The following ARID2 variants were observed in gnomAD, a reference collection of about 807,000 sequenced individuals.
ARID2 encodes the protein AT-rich interactive domain-containing protein 2.
Under a neutral mutation model 184.6 loss-of-function variants are expected in ARID2, and 32 were observed. The observed-to-expected ratio is 0.17, with a 90% CI of 0.13 to 0.23. The LOEUF is 0.23. Among genes scored for constraint, ARID2 ranks in the 10% least tolerant of loss-of-function variants. The pLI is 1.00. For missense variants in ARID2, 1,696 were observed against 2,197.6 expected, an observed-to-expected ratio of 0.77 and a Z score of 4.56; for synonymous variants, 836 against 772.6, an observed-to-expected ratio of 1.08 and a Z score of -1.36.
At chr12:45,796,821 T>C (rs1481438812) in intron 3 of ARID2, among the ~76,000 whole-genome samples, 1 of 152,228 alleles carries the variant, frequency 6.6e-6, no homozygotes, top group Non-Finnish European at 1.5e-5. Flanking sequence ...ATGTTTATTT[T>C]CTAAGTGTTA....
intron 4 of ARID2, among the ~76,000 whole-genome samples, chr12:45,814,003 T>G (rs142132833): frequency 0.015 from 2,261 of 152,252 alleles, 29 homozygotes; most frequent in South Asian, 0.028. Flanking sequence ...TTATTATTAT[T>G]ATGATGATTT....
intron 3 of ARID2, among the ~76,000 whole-genome samples, chr12:45,759,892 A>AGATTTTATAGTTTAACAAGCACCTTT (rs1941641460): frequency 6.6e-6 from 1 of 152,048 alleles, no homozygotes; most frequent in Non-Finnish European, 1.5e-5. Context: ...TACATTTGGG[A>AGATTTTATAGTTTAACAAGCACCTTT]GATTTTATAG....
At chr12:45,762,326 C>G (rs1046317756) in intron 3 of ARID2, among the ~76,000 whole-genome samples, 1 of 152,216 alleles carries the variant, frequency 6.6e-6, no homozygotes, top group African/African-American at 2.4e-5. Flanking sequence ...ACATGTGGCT[C>G]TCTCCTGTTT....
intron 15 of ARID2, among the ~76,000 whole-genome samples, chr12:45,853,807 A>G (rs148800798): frequency 4.6e-4 from 70 of 152,352 alleles, no homozygotes; most frequent in African/African-American, 1.6e-3. Context: ...ATATATGGCT[A>G]TTGTTGGCAT....
chr12:45,805,406 G>A (rs1942582153), intron 3 of ARID2, among the ~76,000 whole-genome samples: 1 of 152,010 alleles, frequency 6.6e-6, no homozygotes, highest in South Asian at 2.1e-4. Context: ...TCCCATTTAT[G>A]TGGAAAAGTT....
At chr12:45,824,045 A>C in intron 6 of ARID2, among the ~76,000 whole-genome samples, 1 of 152,132 alleles carries the variant, frequency 6.6e-6, no homozygotes, top group East Asian at 1.9e-4. Flanking sequence ...ACAAAATGCT[A>C]GCAAACCAAA....
intron 3 of ARID2, among the ~76,000 whole-genome samples, chr12:45,744,304 CTG>C (rs1236178282): frequency 6.6e-6 from 1 of 151,916 alleles, no homozygotes; most frequent in Admixed American, 6.6e-5. Context: ...ATTCATCTAT[CTG>C]TTTATTTAAT....
At chr12:45,773,818 A>T (rs1178174600) in intron 3 of ARID2, among the ~76,000 whole-genome samples, 1 of 152,194 alleles carries the variant, frequency 6.6e-6, no homozygotes, top group Non-Finnish European at 1.5e-5. Flanking sequence ...AAACATTGAA[A>T]GGAAAATTAG....
intron 5 of ARID2, among the ~76,000 whole-genome samples, chr12:45,820,108 G>A (rs982707189): frequency 6.6e-6 from 1 of 152,064 alleles, no homozygotes; most frequent in Non-Finnish European, 1.5e-5. Flanking sequence ...TTAGTGGTGT[G>A]TGGGCTTCAT....
chr12:45,857,713 C>T (rs1418001341), intron 15 of ARID2, among the ~76,000 whole-genome samples: 1 of 152,150 alleles, frequency 6.6e-6, no homozygotes, highest in Non-Finnish European at 1.5e-5. Flanking sequence ...ATTCTCTTCT[C>T]TGAAGACTTA....
At chr12:45,886,690 C>G (rs1565638793) in intron 16 of ARID2, among the ~76,000 whole-genome samples, 2 of 152,180 alleles carry the variant, frequency 1.3e-5, no homozygotes, top group Non-Finnish European at 2.9e-5. Context: ...GTTCCCAAAC[C>G]TCAATTTTTG....
chr12:45,809,895 C>T (rs1480004117), intron 3 of ARID2, among the ~76,000 whole-genome samples: 1 of 152,132 alleles, frequency 6.6e-6, no homozygotes, highest in Non-Finnish European at 1.5e-5. Flanking sequence ...AGCTTCCATT[C>T]ATCCCTCTTT....
intron 6 of ARID2, among the ~76,000 whole-genome samples, chr12:45,829,511 G>A (rs1181306695): frequency 2.0e-5 from 3 of 151,434 alleles, no homozygotes; most frequent in South Asian, 2.1e-4. Context: ...TTTTTTCACA[G>A]TATAACACAT....
chr12:45,746,455 T>C (rs1467261202), intron 3 of ARID2, among the ~76,000 whole-genome samples: 1 of 152,096 alleles, frequency 6.6e-6, no homozygotes, highest in Non-Finnish European at 1.5e-5. Flanking sequence ...GGTAGGGAGA[T>C]ATGTTTTAAA....
intron 3 of ARID2, among the ~76,000 whole-genome samples, chr12:45,793,812 G>T (rs970750482): frequency 6.8e-6 from 1 of 148,056 alleles, no homozygotes. Context: ...TTTTAGTGCA[G>T]GTCTGCTGGT....
At chr12:45,741,606 G>C (rs1233033453) in intron 3 of ARID2, among the ~76,000 whole-genome samples, 2 of 152,034 alleles carry the variant, frequency 1.3e-5, no homozygotes. Flanking sequence ...TATGCATTTT[G>C]CTGCTTAGAT....
Position 45,774,511 on chromosome 12 carries a change from G to A in ARID2, c.285-36907G>A, listed in dbSNP as rs79846129. ...CTTTTAGCATCTTTTTCCCCTTTAT[G>A]TGTATGTATGCATGTGTGTACATGT... On this transcript the variant is annotated intron_variant, in intron 3 of 20. Transcript: ENST00000334344. Among the ~76,000 whole-genome samples the A allele has an allele frequency of 7.8e-3, 1,183 of 152,200 alleles. 20 individuals are homozygous for A. Among genetic ancestry groups the A allele is most frequent in the African/African-American group, 0.027 (1,110 of 41,518 alleles).
chr12:45,862,754 G>A (rs1036387000), intron 16 of ARID2, among the ~76,000 whole-genome samples: 3 of 152,130 alleles, frequency 2.0e-5, no homozygotes, highest in South Asian at 2.1e-4. Flanking sequence ...ATAAGTTGCC[G>A]GAAGAGTTAA....
intron 16 of ARID2, among the ~76,000 whole-genome samples, chr12:45,886,182 A>C (rs1221868839): frequency 2.7e-5 from 4 of 150,204 alleles, no homozygotes; most frequent in African/African-American, 1.0e-4. Context: ...ACCCATTCCA[A>C]ATGGGAGAAA....
Sources: allele counts gnomAD v4.1 joint callset (sites outside exome capture counted in the v4.1 genomes callset), GRCh38; gene constraint gnomAD v4.1.1; transcripts MANE v1.5; gene names NCBI Gene and HGNC (gene_info 2026-07-23, HGNC 2026-07-21).